Variants in CSMD1 observed in about 807,000 individuals in gnomAD.
CSMD1 encodes the protein CUB and sushi domain-containing protein 1.
Under a neutral mutation model 417.5 loss-of-function variants are expected in CSMD1, and 213 were observed. That is an observed-to-expected ratio of 0.51 (90% CI 0.46 to 0.57). The LOEUF (loss-of-function observed/expected upper bound fraction) is 0.57, where lower values mean the gene tolerates loss of function less well. Ranked by LOEUF, CSMD1 falls within the 20% of genes least tolerant of loss-of-function variation. The probability of loss-of-function intolerance (pLI) is 0.00; values close to 1 mark genes in which losing one functional copy is unlikely to be tolerated. For missense variants in CSMD1, 6,923 were observed against 4,529.7 expected, an observed-to-expected ratio of 1.53 and a Z score of -15.17; for synonymous variants, 2,862 against 1,736.8, an observed-to-expected ratio of 1.65 and a Z score of -16.11.
At chr8:3,825,330 G>C (rs1465872316) in intron 5 of CSMD1, among the ~76,000 whole-genome samples, 1 of 152,146 alleles carries the variant, frequency 6.6e-6, no homozygotes, top group Admixed American at 6.5e-5. Context: ...AGGAGCTCGA[G>C]ACCAGCTTGG....
chr8:3,973,301 G>T (rs566287333), intron 5 of CSMD1, among the ~76,000 whole-genome samples: 2 of 152,288 alleles, frequency 1.3e-5, no homozygotes, highest in South Asian at 4.1e-4. Flanking sequence ...CCTGCCGAGG[G>T]ATTTGAATAT....
At chr8:4,116,835 A>C (rs902579978) in intron 3 of CSMD1, among the ~76,000 whole-genome samples, 2 of 152,008 alleles carry the variant, frequency 1.3e-5, no homozygotes, top group African/African-American at 4.8e-5. Context: ...TATTAAAAAA[A>C]AACAAAAAGC....
chr8:4,676,123 T>G (rs1404800069), intron 1 of CSMD1, among the ~76,000 whole-genome samples: 1 of 152,244 alleles, frequency 6.6e-6, no homozygotes, highest in Non-Finnish European at 1.5e-5. Flanking sequence ...AATTCTGCTA[T>G]GCATAAGATG....
intron 1 of CSMD1, among the ~76,000 whole-genome samples, chr8:4,717,234 C>G (rs1332268852): frequency 6.6e-6 from 1 of 150,848 alleles, no homozygotes; most frequent in East Asian, 2.0e-4. Flanking sequence ...CATAACATAG[C>G]TACCTTGGTA....
intron 1 of CSMD1, among the ~76,000 whole-genome samples, chr8:4,812,768 T>C (rs755629893): frequency 1.3e-5 from 2 of 152,224 alleles, no homozygotes; most frequent in Non-Finnish European, 2.9e-5. Flanking sequence ...CTTGAGTTTG[T>C]GTTCTCATGC....
chr8:4,802,625 T>G (rs1202750514), intron 1 of CSMD1, among the ~76,000 whole-genome samples: 2 of 152,192 alleles, frequency 1.3e-5, no homozygotes, highest in Non-Finnish European at 2.9e-5. Flanking sequence ...AGGTATCCTG[T>G]CTGTTTCTAG....
chr8:3,034,111 A>G (rs1810516353), intron 50 of CSMD1, among the ~76,000 whole-genome samples: 1 of 152,222 alleles, frequency 6.6e-6, no homozygotes, highest in Non-Finnish European at 1.5e-5. Context: ...CTGGATTTGA[A>G]GGCTGCCTGA....
chr8:2,941,498 G>A (rs182139148), intron 69 of CSMD1, among the ~76,000 whole-genome samples: 2 of 152,250 alleles, frequency 1.3e-5, no homozygotes, highest in South Asian at 4.1e-4. Flanking sequence ...TTTTAGAGTA[G>A]TTTGGCATTT....
chr8:3,373,251 G>T (rs1810086707), intron 18 of CSMD1: 1 of 152,112 alleles, frequency 6.6e-6, no homozygotes, highest in African/African-American at 2.4e-5. Context: ...GGAAAAATCT[G>T]GGAGGGAATG....
intron 2 of CSMD1, among the ~76,000 whole-genome samples, chr8:4,614,299 G>C (rs898598240): frequency 1.3e-5 from 2 of 152,278 alleles, no homozygotes; most frequent in South Asian, 4.1e-4. Flanking sequence ...TGGACACAAA[G>C]GCCAAAACTC....
intron 2 of CSMD1, among the ~76,000 whole-genome samples, chr8:4,441,095 G>GTTTTTTTTTTGTTTTTTTTTTTTTTTT (rs1798445053): frequency 1.9e-5 from 1 of 51,296 alleles, no homozygotes. Context: ...TAATCAAAAG[G>GTTTTTTTTTTGTTTTTTTTTTTTTTTT]TTTTTTTTTT....
chr8:4,173,521 C>T (rs748539060), intron 3 of CSMD1, among the ~76,000 whole-genome samples: 2 of 151,990 alleles, frequency 1.3e-5, no homozygotes, highest in Non-Finnish European at 2.9e-5. Flanking sequence ...GGGATAAACA[C>T]CATCCTCTTG....
At chr8:4,649,785 T>A (rs1287984783) in intron 1 of CSMD1, among the ~76,000 whole-genome samples, 1 of 152,260 alleles carries the variant, frequency 6.6e-6, no homozygotes, top group Non-Finnish European at 1.5e-5. Flanking sequence ...ATAATGATGT[T>A]TATCTTTAGT....
chr8:2,955,509 C>G, intron 64 of CSMD1, 80 bp downstream of exon 64: 5 of 1,412,366 alleles, frequency 3.5e-6, no homozygotes, highest in Non-Finnish European at 4.9e-6. Context: ...GGGTCTCACA[C>G]GTGGACACTA....
At chr8:4,150,155 G>A (rs528963255) in intron 3 of CSMD1, among the ~76,000 whole-genome samples, 211 of 152,266 alleles carry the variant, frequency 1.4e-3, no homozygotes, top group Middle Eastern at 0.01. Flanking sequence ...ATATCTTGAG[G>A]ATAGACAAAA....
rs188361083 is a variant in CSMD1, at chr8:4,720,548, G to C, written c.86-82990C>G. On this transcript the variant is annotated intron_variant, in intron 1 of 69. Transcript: ENST00000635120. ...GTCTCCTGCCTCAGCCCCCTGAATAGCTGAGATTAAAGGCACATGCCACCA... is the reference window on the plus strand; with the variant it reads ...GTCTCCTGCCTCAGCCCCCTGAATACCTGAGATTAAAGGCACATGCCACCA... Among the ~76,000 whole-genome samples the C allele has an allele frequency of 6.6e-5, 10 of 152,126 alleles. No individual in the cohort carries two copies. In the East Asian group the frequency reaches 1.9e-3, roughly 30 times the overall value.
chr8:4,118,642 T>C (rs1037258253), intron 3 of CSMD1, among the ~76,000 whole-genome samples: 2 of 152,198 alleles, frequency 1.3e-5, no homozygotes, highest in Admixed American at 1.3e-4. Flanking sequence ...ACACTGTTGA[T>C]GGGTGTGTAA....
At position 4,086,561 on chromosome 8, in the gene CSMD1, A is replaced by C. The variant is rs565746409; in HGVS notation, c.416-54462T>G. On this transcript the variant is annotated intron_variant, in intron 3 of 69. Coordinates refer to ENST00000635120, the MANE Select transcript of CSMD1 (RefSeq NM_033225.6). ...CAAGCTCTTAAAATAGGGCCCACAG[A>C]GTTACATCCAATCTCCTCTACTGAT... Among the ~76,000 whole-genome samples the C allele has an allele frequency of 3.9e-5, 6 of 152,300 alleles. No homozygotes were observed. In the South Asian group the frequency reaches 1.2e-3, roughly 32 times the overall value.
chr8:3,517,435 A>C (rs1319691836), intron 10 of CSMD1, among the ~76,000 whole-genome samples: 4 of 152,180 alleles, frequency 2.6e-5, no homozygotes, highest in Non-Finnish European at 5.9e-5. Context: ...CTACACTCCA[A>C]CCTATGCATT....
Sources: allele counts gnomAD v4.1 joint callset (sites outside exome capture counted in the v4.1 genomes callset), GRCh38; gene constraint gnomAD v4.1.1; transcripts MANE v1.5; gene names NCBI Gene and HGNC (gene_info 2026-07-23, HGNC 2026-07-21).